The following ATAD2B variants were observed in gnomAD, a reference collection of about 807,000 sequenced individuals.
ATAD2B encodes ATPase family AAA domain containing 2B.
A neutral mutation model predicts 167.6 loss-of-function variants in ATAD2B; 40 were observed. That is an observed-to-expected ratio of 0.24 (90% CI 0.19 to 0.31). The LOEUF (loss-of-function observed/expected upper bound fraction) is 0.31, where lower values mean the gene tolerates loss of function less well. ATAD2B is among the 10% of genes least tolerant of loss of function. The probability of loss-of-function intolerance (pLI) is 1.00; values close to 1 mark genes in which losing one functional copy is unlikely to be tolerated. For missense variants in ATAD2B, 1,242 were observed against 1,757.2 expected, an observed-to-expected ratio of 0.71 and a Z score of 5.24; for synonymous variants, 579 against 596.5, an observed-to-expected ratio of 0.97 and a Z score of 0.43.
intron 4 of ATAD2B, among the ~76,000 whole-genome samples, chr2:23,886,930 C>CAAAAA (rs771470947): frequency 0.13 from 14,778 of 115,530 alleles, 859 homozygotes; most frequent in Middle Eastern, 0.23. Context: ...GACTCCATCT[C>CAAAAA]AAAAAAAAAA....
the ATAD2B span, among the ~76,000 whole-genome samples, chr2:23,725,596 A>C: frequency 0.57 from 86,630 of 151,968 alleles, 25,406 homozygotes; most frequent in East Asian, 0.79. Context: ...TTAGGTATGT[A>C]TATTGTAAGC....
At chr2:23,891,973 G>T (rs1032109980) in intron 2 of ATAD2B, among the ~76,000 whole-genome samples, 8 of 152,060 alleles carry the variant, frequency 5.3e-5, no homozygotes, top group Admixed American at 3.9e-4. Context: ...AATGATTTAT[G>T]AGGGTTATAA....
chr2:23,784,272 T>C (rs1177321171), intron 21 of ATAD2B, among the ~76,000 whole-genome samples: 1 of 152,088 alleles, frequency 6.6e-6, no homozygotes, highest in African/African-American at 2.4e-5. Context: ...AAAGTTTTGC[T>C]TTCTCTGCAG....
At chr2:23,884,136 C>A (rs1334974821) in intron 6 of ATAD2B, among the ~76,000 whole-genome samples, 2 of 151,954 alleles carry the variant, frequency 1.3e-5, no homozygotes, top group East Asian at 1.9e-4. Context: ...AAGAACAAGA[C>A]TCTGTCTCAA....
At chr2:23,762,019 A>G (rs888968499) in intron 24 of ATAD2B, among the ~76,000 whole-genome samples, 190 bp downstream of exon 24, 4 of 152,194 alleles carry the variant, frequency 2.6e-5, no homozygotes, top group Non-Finnish European at 5.9e-5. Context: ...TAGGGATAGA[A>G]AATAACAAAT....
intron 22 of ATAD2B, among the ~76,000 whole-genome samples, chr2:23,775,935 G>A (rs1414837601): frequency 2.0e-5 from 3 of 148,996 alleles, no homozygotes; most frequent in Non-Finnish European, 4.5e-5. Flanking sequence ...GGCCAACATG[G>A]TGAAACCCCA....
rs757321068 is a variant in ATAD2B at position 23,762,299 on chromosome 2, G to A, written c.3304C>T (p.Arg1102Trp). The A allele has an allele frequency of 7.4e-6, 12 of 1,613,188 alleles. No homozygotes were observed. Among genetic ancestry groups the A allele is most frequent in the South Asian group, 6.6e-5 (6 of 91,064 alleles). The change falls in exon 24 of 28, where the codon CGG (arginine) becomes TGG (tryptophan). Residue 1102 changes from arginine to tryptophan, a missense_variant. Physicochemically the swap from Arg to Trp is moderately radical, Grantham distance 101. Coordinates refer to ENST00000238789, the MANE Select transcript of ATAD2B (RefSeq NM_017552.4). ...EQINPHSTGA[R>W]KTETRVEEAF... ...TCTTCGACTCTAGTTTCTGTCTTCC[G>A]AGCTCCAGTACTATGAGGATTTATT...
chr2:23,900,665 G>A (rs756569901), intron 1 of ATAD2B: 10 of 152,222 alleles, frequency 6.6e-5, no homozygotes, highest in Non-Finnish European at 1.5e-4. Flanking sequence ...TCAAGACGTA[G>A]TCACTGGACC....
chr2:23,862,401 GTTTTTTTTTTTT>G (rs750865073), intron 12 of ATAD2B, among the ~76,000 whole-genome samples: 14 of 99,432 alleles, frequency 1.4e-4, no homozygotes, highest in East Asian at 3.2e-4. Flanking sequence ...ATTTGGACTG[GTTTTTTTTTTTT>G]TTTTTTTTTT....
At chr2:23,891,020 ATTTT>A (rs34109939) in intron 2 of ATAD2B, among the ~76,000 whole-genome samples, 1 of 136,978 alleles carries the variant, frequency 7.3e-6, no homozygotes, top group Non-Finnish European at 1.6e-5. Context: ...ATATACTGAG[ATTTT>A]TTTTTTTTTT....
the ATAD2B span, chr2:23,703,107 A>C: frequency 9.5e-7 from 1 of 1,051,998 alleles, no homozygotes; most frequent in Non-Finnish European, 1.3e-6. Flanking sequence ...AGCAGATGGC[A>C]GTTTGCTGCC....
At chr2:23,817,222 T>C (rs772754367) in intron 17 of ATAD2B, among the ~76,000 whole-genome samples, 2 of 152,164 alleles carry the variant, frequency 1.3e-5, no homozygotes, top group African/African-American at 2.4e-5. Flanking sequence ...TGGAAAAATA[T>C]GGTCTTAGGA....
intron 1 of ATAD2B, among the ~76,000 whole-genome samples, chr2:23,919,216 G>A (rs903569033): frequency 1.3e-5 from 2 of 151,976 alleles, no homozygotes; most frequent in African/African-American, 4.8e-5. Context: ...TTGTCAATGT[G>A]AAAATAATTT....
At chr2:23,774,359 G>A (rs985771836) in intron 22 of ATAD2B, among the ~76,000 whole-genome samples, 4 of 152,154 alleles carry the variant, frequency 2.6e-5, no homozygotes, top group African/African-American at 7.2e-5. Flanking sequence ...GGAGGCTGAG[G>A]TGGGAGGATC....
chr2:23,857,021 C>T (rs1250218365), intron 13 of ATAD2B, among the ~76,000 whole-genome samples: 2 of 149,732 alleles, frequency 1.3e-5, no homozygotes, highest in South Asian at 2.1e-4. Flanking sequence ...CCAGCCTAGG[C>T]AAGAGAGCAA....
At chr2:23,757,104 C>T (rs1027855838) in intron 25 of ATAD2B, among the ~76,000 whole-genome samples, 6 of 152,172 alleles carry the variant, frequency 3.9e-5, no homozygotes, top group Admixed American at 3.9e-4. Context: ...TGTGGATTTA[C>T]TCAGCTTTCA....
rs778862543 is a variant in ATAD2B at position 23,926,657 on chromosome 2, G to C, written c.114C>G (p.Phe38Leu). Reference sequence around the variant, plus strand: ...TGGAGGAGCGGGTCCGAGAGGAGATGAAATGGCTGCTGCCTCCGGTCGCCC... The same window carrying C: ...TGGAGGAGCGGGTCCGAGAGGAGATCAAATGGCTGCTGCCTCCGGTCGCCC... ...EPGATGGSSH[F>L]ISSRTRSSKT... is the part of the protein sequence containing the mutation. The change falls in exon 1 of 28, where the codon TTC (phenylalanine) becomes TTG (leucine). Residue 38 changes from phenylalanine to leucine, a missense_variant. By Grantham distance (22) the Phe-to-Leu change is conservative. Coordinates refer to ENST00000238789, the MANE Select transcript of ATAD2B (RefSeq NM_017552.4). 4 of 1,561,580 alleles carry C rather than the reference G, an allele frequency of 2.6e-6. No individual in the cohort carries two copies. The highest frequency in any genetic ancestry group is 3.8e-5 in the Admixed American group (2 of 52,474).
At chr2:23,780,922 C>T (rs1679928183) in intron 22 of ATAD2B, among the ~76,000 whole-genome samples, 2 of 152,004 alleles carry the variant, frequency 1.3e-5, no homozygotes, top group Admixed American at 1.3e-4. Flanking sequence ...CAAAACAAAG[C>T]ACAAATTATA....
intron 10 of ATAD2B, 103 bp downstream of exon 10, chr2:23,867,732 C>T: frequency 1.3e-6 from 1 of 775,652 alleles, no homozygotes; most frequent in Non-Finnish European, 2.1e-6. Flanking sequence ...AACATTAACA[C>T]TGTCATATCC....
Sources: allele counts gnomAD v4.1 joint callset (sites outside exome capture counted in the v4.1 genomes callset), GRCh38; gene constraint gnomAD v4.1.1; transcripts MANE v1.5; gene names NCBI Gene and HGNC (gene_info 2026-07-23, HGNC 2026-07-21).